The following PPP1R14C variants were observed in gnomAD, a reference collection of about 807,000 sequenced individuals.
The protein encoded by PPP1R14C is protein phosphatase 1 regulatory inhibitor subunit 14C, also known as protein phosphatase 1 regulatory subunit 14C.
Under a neutral mutation model 20.4 loss-of-function variants are expected in PPP1R14C, and 16 were observed. The observed-to-expected ratio is 0.78, with a 90% confidence interval of 0.53 to 1.19. The LOEUF (loss-of-function observed/expected upper bound fraction) is 1.19, where lower values mean the gene tolerates loss of function less well. Ranked by LOEUF, PPP1R14C falls within the 50% of genes most tolerant of loss-of-function variation. The pLI is 0.00. For synonymous variants in PPP1R14C, 91 were observed against 91.0 expected, an observed-to-expected ratio of 1.00 and a Z score of 0.00; for missense variants, 211 against 220.1, an observed-to-expected ratio of 0.96 and a Z score of 0.26.
intron 1 of PPP1R14C, chr6:150,196,024 A>T (rs1166598407): frequency 6.1e-6 from 6 of 985,244 alleles, no homozygotes; most frequent in Middle Eastern, 5.2e-4. Context: ...TGAGTGGGGG[A>T]CTGGGATTCT....
chr6:150,144,128 G>A (rs1416756174), intron 1 of PPP1R14C, among the ~76,000 whole-genome samples: 1 of 152,244 alleles, frequency 6.6e-6, no homozygotes, highest in Non-Finnish European at 1.5e-5. Context: ...CTTTGTTGAA[G>A]CCGTAGTTTT....
chr6:150,227,206 A>T (rs561832075), intron 3 of PPP1R14C, among the ~76,000 whole-genome samples: 1 of 152,366 alleles, frequency 6.6e-6, no homozygotes, highest in South Asian at 2.1e-4. Flanking sequence ...AAACCATGTG[A>T]TGACTGAAAG....
intron 1 of PPP1R14C, chr6:150,195,113 T>G: frequency 1.0e-6 from 1 of 983,694 alleles, no homozygotes; most frequent in Non-Finnish European, 1.2e-6. Context: ...CATGCAATTA[T>G]GTGGGTTACT....
intron 1 of PPP1R14C, among the ~76,000 whole-genome samples, chr6:150,159,781 T>C (rs931856372): frequency 1.3e-5 from 2 of 152,218 alleles, no homozygotes; most frequent in Non-Finnish European, 2.9e-5. Context: ...GAACCAATAT[T>C]GATACATTAT....
intron 3 of PPP1R14C, among the ~76,000 whole-genome samples, chr6:150,232,676 A>G (rs922092293): frequency 5.9e-5 from 9 of 152,122 alleles, no homozygotes; most frequent in African/African-American, 2.2e-4. Flanking sequence ...AGTTCAGTGT[A>G]CCCTCACTGC....
intron 1 of PPP1R14C, among the ~76,000 whole-genome samples, chr6:150,156,287 A>G (rs547239186): frequency 6.6e-6 from 1 of 152,194 alleles, no homozygotes; most frequent in Non-Finnish European, 1.5e-5. Flanking sequence ...TTTATCTTAC[A>G]TATTTGAAAG....
chr6:150,156,791 G>T (rs531208936), intron 1 of PPP1R14C, among the ~76,000 whole-genome samples: 29 of 152,330 alleles, frequency 1.9e-4, no homozygotes, highest in Middle Eastern at 3.4e-3. Flanking sequence ...TGTTAGACAA[G>T]TGCCTTTTGT....
chr6:150,240,282 G>T (rs1043367789), intron 3 of PPP1R14C, among the ~76,000 whole-genome samples: 1 of 152,148 alleles, frequency 6.6e-6, no homozygotes, highest in Non-Finnish European at 1.5e-5. Flanking sequence ...AGTTGAAATA[G>T]GCCTGATATT....
At chr6:150,153,499 T>C (rs1315618693) in intron 1 of PPP1R14C, among the ~76,000 whole-genome samples, 2 of 152,220 alleles carry the variant, frequency 1.3e-5, no homozygotes, top group African/African-American at 4.8e-5. Flanking sequence ...TGCACAGGAA[T>C]TGCTTATTTC....
chr6:150,199,227 G>C (rs1186835948), intron 1 of PPP1R14C, among the ~76,000 whole-genome samples: 1 of 152,174 alleles, frequency 6.6e-6, no homozygotes, highest in Non-Finnish European at 1.5e-5. Flanking sequence ...TTTTATGAAT[G>C]TGAATCATAA....
intron 1 of PPP1R14C, among the ~76,000 whole-genome samples, chr6:150,214,210 C>G (rs1421785021): frequency 6.6e-6 from 1 of 152,160 alleles, no homozygotes; most frequent in Non-Finnish European, 1.5e-5. Flanking sequence ...TCAGGTTTTC[C>G]ATAGACCCAG....
At position 150,143,221 on chromosome 6, in the gene PPP1R14C, C is replaced by T. The variant is rs1175024319; in HGVS notation, c.29C>T (p.Thr10Met). 5.9e-6 allele frequency: 8 copies of T among 1,366,522 alleles called. No homozygotes were observed. In the African/African-American group the frequency reaches 1.2e-4, roughly 21 times the overall value. The allele number at this position is 1,366,522 out of a possible 1,614,324, so 84.6% of individuals were successfully genotyped here. A position where few individuals can be genotyped will look rare whatever the true frequency, so the allele number is the denominator to read the frequency against. Residue 10 changes from threonine (T) to methionine (M), a missense_variant, in exon 1 of 4, where the codon ACG (threonine) becomes ATG (methionine). Coordinates refer to ENST00000361131, the MANE Select transcript of PPP1R14C (RefSeq NM_030949.3). This position sits in a 1 kb window ranked among gnomAD's most constrained non-coding sequence, Gnocchi z 5.6. Reference sequence around the variant, plus strand: ...TCGGTGGCGACGGGCAGCAGCGAGACGGCCGGCGGGGCCAGCGGCGGCGGC... The same window carrying T: ...TCGGTGGCGACGGGCAGCAGCGAGATGGCCGGCGGGGCCAGCGGCGGCGGC... The part of the protein sequence containing the change: MSVATGSSE[T>M]AGGASGGGAR...
intron 1 of PPP1R14C, among the ~76,000 whole-genome samples, chr6:150,150,880 C>A (rs1048804713): frequency 5.3e-5 from 8 of 152,112 alleles, no homozygotes; most frequent in Non-Finnish European, 1.2e-4. Flanking sequence ...TCCCCCACTA[C>A]CACACAAATA....
intron 3 of PPP1R14C, 90 bp downstream of exon 3, chr6:150,216,946 G>A (rs1778101775): frequency 1.0e-6 from 1 of 1,003,538 alleles, no homozygotes; most frequent in Non-Finnish European, 1.5e-6. Flanking sequence ...CAATAAGTAG[G>A]TTTGAGTGTG....
intron 1 of PPP1R14C, among the ~76,000 whole-genome samples, chr6:150,212,342 A>G (rs1413299669): frequency 6.6e-6 from 1 of 152,206 alleles, no homozygotes; most frequent in Non-Finnish European, 1.5e-5. Context: ...GGGACAGCCC[A>G]GATCTCAGGG....
chr6:150,226,592 T>A (rs1441475745), intron 3 of PPP1R14C, among the ~76,000 whole-genome samples: 1 of 152,178 alleles, frequency 6.6e-6, no homozygotes. Flanking sequence ...TGCCTTACCG[T>A]CTGTTAGGGG....
chr6:150,172,794 A>G (rs1777513963), intron 1 of PPP1R14C, among the ~76,000 whole-genome samples: 1 of 152,140 alleles, frequency 6.6e-6, no homozygotes, highest in Non-Finnish European at 1.5e-5. Context: ...GGATAGTAAC[A>G]GGAGATGACT....
intron 1 of PPP1R14C, among the ~76,000 whole-genome samples, chr6:150,179,753 A>T (rs1035356776): frequency 4.6e-5 from 7 of 152,174 alleles, no homozygotes; most frequent in Admixed American, 2.6e-4. Context: ...ATATCCATGC[A>T]TAGAATGAGT....
At chr6:150,174,507 C>T (rs537523740) in intron 1 of PPP1R14C, among the ~76,000 whole-genome samples, 48 of 152,014 alleles carry the variant, frequency 3.2e-4, no homozygotes, top group South Asian at 6.2e-4. Flanking sequence ...TGAGCCACCA[C>T]GCCTGGCCGT....
Sources: allele counts gnomAD v4.1 joint callset (sites outside exome capture counted in the v4.1 genomes callset), GRCh38; gene constraint gnomAD v4.1.1; non-coding constraint Gnocchi (gnomAD v3.1); transcripts MANE v1.5; gene names NCBI Gene and HGNC (gene_info 2026-07-23, HGNC 2026-07-21).